The following GAREM1 variants were observed in gnomAD, a reference collection of about 807,000 sequenced individuals.
The protein encoded by GAREM1 is GRB2 associated regulator of MAPK1 subtype 1.
GAREM1 carries 26 observed loss-of-function variants against 71.3 expected under a neutral mutation model. The ratio of observed to expected loss-of-function variants is 0.36; its 90% CI spans 0.27 to 0.51. GAREM1 has a LOEUF of 0.51. GAREM1 is among the 20% of genes least tolerant of loss of function. The pLI, the probability that GAREM1 is intolerant of heterozygous loss-of-function variation, is 0.95. For missense variants in GAREM1, 1,026 were observed against 1,103.1 expected, an observed-to-expected ratio of 0.93 and a Z score of 0.99; for synonymous variants, 440 against 433.2, an observed-to-expected ratio of 1.02 and a Z score of -0.20.
chr18:32,404,025 T>A (rs2048342520), intron 1 of GAREM1, among the ~76,000 whole-genome samples: 1 of 152,210 alleles, frequency 6.6e-6, no homozygotes. Flanking sequence ...AACATGCTGT[T>A]AGTCTTTATT....
At chr18:32,421,403 G>A (rs2048518502) in intron 1 of GAREM1, among the ~76,000 whole-genome samples, 1 of 152,286 alleles carries the variant, frequency 6.6e-6, no homozygotes, top group South Asian at 2.1e-4. Flanking sequence ...GCTCCCAGCT[G>A]ATTACATTCT....
At chr18:32,339,332 T>C (rs1004431139) in intron 2 of GAREM1, among the ~76,000 whole-genome samples, 3 of 152,190 alleles carry the variant, frequency 2.0e-5, no homozygotes, top group Admixed American at 6.5e-5. Flanking sequence ...ACACCTACCA[T>C]GATTCTTGCA....
intron 2 of GAREM1, among the ~76,000 whole-genome samples, chr18:32,387,001 C>T (rs576108744): frequency 1.1e-3 from 153 of 142,192 alleles, no homozygotes; most frequent in South Asian, 2.1e-3. Context: ...TCTAGGCTTT[C>T]GTGGGGCTTG....
intron 1 of GAREM1, among the ~76,000 whole-genome samples, chr18:32,441,811 A>G (rs1224470233): frequency 1.3e-5 from 2 of 152,174 alleles, no homozygotes; most frequent in Non-Finnish European, 2.9e-5. Context: ...CTGGAGAAAC[A>G]ATGTGCCAAT....
intron 3 of GAREM1, among the ~76,000 whole-genome samples, chr18:32,303,153 T>C (rs1267817621): frequency 6.6e-6 from 1 of 152,256 alleles, no homozygotes; most frequent in Non-Finnish European, 1.5e-5. Context: ...AGGAAATCTA[T>C]GCTGGAACAG....
chr18:32,460,115 TAAA>T (rs35244955), intron 1 of GAREM1, among the ~76,000 whole-genome samples: 2,631 of 133,402 alleles, frequency 0.02, 86 homozygotes, highest in African/African-American at 0.065. Flanking sequence ...TCATCTTATT[TAAA>T]AAAAAAAAAA....
At chr18:32,319,252 A>C (rs1345595285) in intron 2 of GAREM1, among the ~76,000 whole-genome samples, 11 of 152,250 alleles carry the variant, frequency 7.2e-5, no homozygotes, top group Admixed American at 7.2e-4. Flanking sequence ...GCAATTCTCA[A>C]GTGACAGAAA....
intron 2 of GAREM1, among the ~76,000 whole-genome samples, chr18:32,373,663 C>T (rs140820495): frequency 2.7e-4 from 41 of 152,294 alleles, no homozygotes; most frequent in African/African-American, 8.9e-4. Flanking sequence ...GCTCCAGCCG[C>T]CCACAAGCAT....
At chr18:32,363,186 G>A (rs1364489964) in intron 2 of GAREM1, among the ~76,000 whole-genome samples, 2 of 146,482 alleles carry the variant, frequency 1.4e-5, no homozygotes, top group East Asian at 2.0e-4. Flanking sequence ...TTTCTTATGA[G>A]AAAAAAATAT....
rs1157200391 is a variant in GAREM1 at position 32,364,028 on chromosome 18, G to GTTTTTTTTTTTTTTTTTT, written c.262+28849_262+28866dup. On this transcript the variant is annotated intron_variant, in intron 2 of 5. Coordinates refer to ENST00000269209, the MANE Select transcript of GAREM1 (RefSeq NM_001242409.2). The stretch of plus-strand genomic sequence containing the variant: ...TATATATATATATATATATATATAT[G>GTTTTTTTTTTTTTTTTTT]TTTTTTTTTTTTTTTTTTTTTTGTG... Among the ~76,000 whole-genome samples, 37 of 21,660 alleles carry GTTTTTTTTTTTTTTTTTT rather than the reference G, an allele frequency of 1.7e-3. 1 individual carries two copies. Among genetic ancestry groups the GTTTTTTTTTTTTTTTTTT allele is most frequent in the East Asian group, 6.8e-3 (4 of 586 alleles). 14.2% of individuals were successfully genotyped at this position (21,660 alleles called of 152,430 possible).
intron 1 of GAREM1, among the ~76,000 whole-genome samples, chr18:32,463,468 A>C (rs562854171): frequency 1.3e-5 from 2 of 152,168 alleles, no homozygotes; most frequent in Admixed American, 1.3e-4. Context: ...TTTTTTTCTC[A>C]TCATTTTTAG....
intron 2 of GAREM1, among the ~76,000 whole-genome samples, chr18:32,380,213 C>A (rs1444072351): frequency 6.6e-6 from 1 of 152,058 alleles, no homozygotes; most frequent in Non-Finnish European, 1.5e-5. Flanking sequence ...CAGTGGCTCA[C>A]GCCTGTAATC....
intron 3 of GAREM1, among the ~76,000 whole-genome samples, chr18:32,295,471 T>C (rs936264256): frequency 6.6e-6 from 1 of 152,208 alleles, no homozygotes; most frequent in East Asian, 1.9e-4. Context: ...ACATTAAACC[T>C]AAGCTTGAAT....
chr18:32,414,547 CA>C (rs1326056117), intron 1 of GAREM1, among the ~76,000 whole-genome samples: 1 of 151,726 alleles, frequency 6.6e-6, no homozygotes, highest in Non-Finnish European at 1.5e-5. Context: ...AATAAACCTA[CA>C]AATCAATAAC....
At chr18:32,294,080 A>C (rs1427132733) in intron 3 of GAREM1, among the ~76,000 whole-genome samples, 2 of 152,228 alleles carry the variant, frequency 1.3e-5, no homozygotes, top group African/African-American at 4.8e-5. Flanking sequence ...AAATGCAATA[A>C]AGTACACTTT....
chr18:32,324,005 G>T (rs1355388471), intron 2 of GAREM1, among the ~76,000 whole-genome samples: 1 of 143,542 alleles, frequency 7.0e-6, no homozygotes, highest in Non-Finnish European at 1.5e-5. Flanking sequence ...CTATGAAAAT[G>T]ACAGTTACAC....
chr18:32,411,389 A>T (rs1433062961), intron 1 of GAREM1, among the ~76,000 whole-genome samples: 2 of 152,224 alleles, frequency 1.3e-5, no homozygotes, highest in African/African-American at 4.8e-5. Context: ...GAACTTTATT[A>T]TGTGATAAAT....
intron 1 of GAREM1, among the ~76,000 whole-genome samples, chr18:32,409,640 G>A (rs1279903076): frequency 2.0e-5 from 3 of 152,116 alleles, no homozygotes; most frequent in East Asian, 1.9e-4. Flanking sequence ...ACTCCTTTCT[G>A]AACAGTAGAA....
chr18:32,365,969 A>T (rs1335885473), intron 2 of GAREM1, among the ~76,000 whole-genome samples: 1 of 152,118 alleles, frequency 6.6e-6, no homozygotes, highest in Admixed American at 6.5e-5. Flanking sequence ...GTTCTTAGTA[A>T]ATCATAAAAG....
Sources: gnomAD v4.1 joint callset for allele counts (sites outside exome capture counted in the v4.1 genomes callset) on GRCh38, gnomAD v4.1.1 for gene constraint, MANE v1.5 for transcripts, NCBI Gene and HGNC (gene_info 2026-07-23, HGNC 2026-07-21) for gene names.